The following DPYD variants were observed in gnomAD, a reference collection of about 807,000 sequenced individuals.
DPYD encodes the protein dihydropyrimidine dehydrogenase, also known as dihydropyrimidine dehydrogenase [NADP(+)].
A neutral mutation model predicts 116.2 loss-of-function variants in DPYD; 109 were observed. That is an observed-to-expected ratio of 0.94 (90% CI 0.80 to 1.10). The LOEUF (loss-of-function observed/expected upper bound fraction) is 1.10, where lower values mean the gene tolerates loss of function less well. Ranked by LOEUF, DPYD falls within the 50% of genes least tolerant of loss-of-function variation. DPYD has a pLI of 0.00. For synonymous variants in DPYD, 440 were observed against 432.0 expected, an observed-to-expected ratio of 1.02 and a Z score of -0.23; for missense variants, 1,302 against 1,254.5, an observed-to-expected ratio of 1.04 and a Z score of -0.57.
chr1:97,704,485 A>C (rs537661261), intron 5 of DPYD, among the ~76,000 whole-genome samples: 1 of 152,230 alleles, frequency 6.6e-6, no homozygotes, highest in African/African-American at 2.4e-5. Context: ...AGTTAGTTAA[A>C]ACAAATTACA....
At chr1:97,776,096 A>G (rs1666394026) in intron 3 of DPYD, among the ~76,000 whole-genome samples, 1 of 152,146 alleles carries the variant, frequency 6.6e-6, no homozygotes, top group Non-Finnish European at 1.5e-5. Flanking sequence ...CTAGCATTTG[A>G]TAGTACAACA....
intron 8 of DPYD, among the ~76,000 whole-genome samples, chr1:97,640,693 C>A (rs1042897033): frequency 2.6e-5 from 4 of 152,112 alleles, no homozygotes; most frequent in Non-Finnish European, 5.9e-5. Context: ...TGAGGGCTTT[C>A]CCTGAAAGAT....
At chr1:97,187,634 T>C (rs907707653) in intron 20 of DPYD, among the ~76,000 whole-genome samples, 8 of 152,130 alleles carry the variant, frequency 5.3e-5, no homozygotes, top group Admixed American at 2.6e-4. Context: ...TTTGTCATAA[T>C]TATTTTTGCC....
intron 20 of DPYD, among the ~76,000 whole-genome samples, chr1:97,165,243 T>A (rs1184444339): frequency 1.3e-5 from 2 of 151,694 alleles, no homozygotes; most frequent in Non-Finnish European, 2.9e-5. Context: ...CACAGACCAA[T>A]AAAATGGAAT....
chr1:97,190,352 G>C (rs973072567), intron 20 of DPYD, among the ~76,000 whole-genome samples: 12 of 151,782 alleles, frequency 7.9e-5, no homozygotes, highest in African/African-American at 2.9e-4. Flanking sequence ...TGTCCCTTTT[G>C]GCAATGCAGA....
At chr1:97,397,593 A>G (rs1000529527) in intron 14 of DPYD, among the ~76,000 whole-genome samples, 2 of 151,974 alleles carry the variant, frequency 1.3e-5, no homozygotes, top group African/African-American at 4.8e-5. Context: ...TCTTTTCCAG[A>G]ATGTCATATA....
At chr1:97,172,814 T>C (rs1020219714) in intron 20 of DPYD, among the ~76,000 whole-genome samples, 1 of 152,142 alleles carries the variant, frequency 6.6e-6, no homozygotes, top group Non-Finnish European at 1.5e-5. Context: ...ATGTAGCAAT[T>C]TTCACAAATG....
chr1:97,382,856 C>T (rs1226649527), intron 14 of DPYD, among the ~76,000 whole-genome samples: 3 of 151,706 alleles, frequency 2.0e-5, no homozygotes, highest in African/African-American at 7.3e-5. Flanking sequence ...TTTGTAATTA[C>T]TGGTACAGTG....
intron 16 of DPYD, among the ~76,000 whole-genome samples, chr1:97,333,577 A>T (rs1397479801): frequency 1.4e-5 from 2 of 142,866 alleles, no homozygotes; most frequent in Admixed American, 7.2e-5. Flanking sequence ...CTGGAGTGCA[A>T]TGGCAAGATC....
chr1:97,625,275 G>T (rs1314671157), intron 8 of DPYD, among the ~76,000 whole-genome samples: 1 of 151,828 alleles, frequency 6.6e-6, no homozygotes, highest in East Asian at 1.9e-4. Context: ...ATCAAGAAAA[G>T]AACTATTGAG....
At chr1:97,546,709 G>C in intron 12 of DPYD, 3 of 1,613,170 alleles carry the variant, frequency 1.9e-6, no homozygotes, top group Non-Finnish European at 2.5e-6. Context: ...AAAAGATACA[G>C]AGGAAGTAGA....
chr1:97,873,328 T>A (rs563320193), intron 2 of DPYD, among the ~76,000 whole-genome samples: 2 of 151,940 alleles, frequency 1.3e-5, no homozygotes, highest in Non-Finnish European at 2.9e-5. Flanking sequence ...TACTGAAAAG[T>A]GTGATGCAAT....
chr1:97,918,390 C>A (rs1674332919), intron 1 of DPYD, among the ~76,000 whole-genome samples: 1 of 151,948 alleles, frequency 6.6e-6, no homozygotes, highest in Admixed American at 6.6e-5. Context: ...ATTAATATAT[C>A]TGAAAAAAAA....
chr1:97,237,581 CA>C (rs1289525409), intron 18 of DPYD, among the ~76,000 whole-genome samples: 8 of 151,964 alleles, frequency 5.3e-5, no homozygotes, highest in Admixed American at 5.2e-4. Context: ...ATGTTTTAAC[CA>C]TAAAAAGGCT....
chr1:97,707,295 A>G (rs999945544), intron 5 of DPYD, among the ~76,000 whole-genome samples: 1 of 151,734 alleles, frequency 6.6e-6, no homozygotes, highest in Non-Finnish European at 1.5e-5. Context: ...TTATGAGCAT[A>G]TATTTTTTTT....
intron 3 of DPYD, among the ~76,000 whole-genome samples, chr1:97,818,927 C>T (rs1668776987): frequency 1.3e-5 from 2 of 151,832 alleles, no homozygotes; most frequent in Admixed American, 6.6e-5. Flanking sequence ...ACTCAAGGTA[C>T]ACGAAATTAA....
intron 3 of DPYD, among the ~76,000 whole-genome samples, chr1:97,793,217 C>T (rs908489485): frequency 2.0e-5 from 3 of 152,074 alleles, no homozygotes; most frequent in Non-Finnish European, 4.4e-5. Flanking sequence ...AATTTAAAGT[C>T]CTTACAAAAT....
intron 16 of DPYD, among the ~76,000 whole-genome samples, chr1:97,344,693 T>C (rs1349973659): frequency 6.6e-6 from 1 of 151,890 alleles, no homozygotes; most frequent in African/African-American, 2.4e-5. Context: ...TTTTTTATAG[T>C]GACAGAGTAT....
chr1:97,871,815 A>G lies in DPYD; in HGVS notation c.150+11449T>C, dbSNP rs191416265. Among the ~76,000 whole-genome samples, 3 of 151,808 alleles carry G rather than the reference A, an allele frequency of 2.0e-5. No individual in the cohort carries two copies. In the East Asian group the frequency reaches 5.9e-4, roughly 30 times the overall value. On this transcript the variant is annotated intron_variant, in intron 2 of 22. Transcript: ENST00000370192. ...GGTTTTTCCATATACATTGTTCTCT[A>G]TCCACTATCATGATGTGCTTCCATA...
Sources: allele counts gnomAD v4.1 joint callset (sites outside exome capture counted in the v4.1 genomes callset), GRCh38; gene constraint gnomAD v4.1.1; transcripts MANE v1.5; gene names NCBI Gene and HGNC (gene_info 2026-07-23, HGNC 2026-07-21).